Variants in AEBP2 observed in about 807,000 individuals in gnomAD.
The protein encoded by AEBP2 is AE binding protein 2.
A neutral mutation model predicts 50.8 loss-of-function variants in AEBP2; 10 were observed. The observed-to-expected ratio is 0.20, with a 90% CI of 0.12 to 0.33. The LOEUF is 0.33. AEBP2 is among the 10% of genes least tolerant of loss of function. The pLI, the probability that AEBP2 is intolerant of heterozygous loss-of-function variation, is 1.00. For missense variants in AEBP2, 570 were observed against 688.0 expected (o/e 0.83, Z 1.92); for synonymous variants, 296 against 261.3 (o/e 1.13, Z -1.28).
intron 1 of AEBP2, chr12:19,440,762 T>C (rs1302061691): frequency 2.6e-6 from 4 of 1,533,520 alleles, no homozygotes; most frequent in Middle Eastern, 2.2e-4. Flanking sequence ...GGAACACTTG[T>C]CAGAACTACA....
intron 7 of AEBP2, among the ~76,000 whole-genome samples, chr12:19,515,781 A>G (rs577493252): frequency 1.3e-5 from 2 of 152,288 alleles, no homozygotes; most frequent in East Asian, 3.9e-4. Flanking sequence ...TGCTATGTAG[A>G]AGCATAGTTT....
At chr12:19,500,304 T>C in intron 5 of AEBP2, 83 bp downstream of exon 5, 1 of 1,244,032 alleles carries the variant, frequency 8.0e-7, no homozygotes, top group Non-Finnish European at 1.1e-6. Flanking sequence ...TCTCTCAAAA[T>C]CTAAGAAAGT....
chr12:19,448,632 T>G (rs1278196370), intron 1 of AEBP2, among the ~76,000 whole-genome samples: 1 of 152,212 alleles, frequency 6.6e-6, no homozygotes, highest in Non-Finnish European at 1.5e-5. Flanking sequence ...TATTTCTTTC[T>G]CAGTTTCATT....
At chr12:19,516,387 C>T in intron 7 of AEBP2, among the ~76,000 whole-genome samples, 1 of 152,134 alleles carries the variant, frequency 6.6e-6, no homozygotes, top group Non-Finnish European at 1.5e-5. Flanking sequence ...TCGTAAACCT[C>T]TCTTAGAGAG....
Position 19,443,579 on chromosome 12 carries a change from C to T in AEBP2, c.671+3209C>T, listed in dbSNP as rs573431390. Among the ~76,000 whole-genome samples the T allele has an allele frequency of 2.1e-3, 323 of 151,924 alleles. 1 individual carries two copies. The highest frequency in any genetic ancestry group is 8.4e-3 in the South Asian group (40 of 4,790). Reference sequence around the variant, plus strand: ...CTACTAAAAATACAAAAAAATGAGCCAGGCATGGTGGTGCAGGCATGTAAT... The same window carrying T: ...CTACTAAAAATACAAAAAAATGAGCTAGGCATGGTGGTGCAGGCATGTAAT... On this transcript the variant is annotated intron_variant, in intron 1 of 7. Coordinates refer to ENST00000266508, the MANE Select transcript of AEBP2 (RefSeq NM_153207.5).
chr12:19,462,812 G>T (rs2153370297), intron 2 of AEBP2, 95 bp downstream of exon 2: 1 of 1,164,630 alleles, frequency 8.6e-7, no homozygotes. Context: ...AGTAATTTGG[G>T]ATTATTTTTA....
chr12:19,516,623 A>G lies in AEBP2; in HGVS notation c.1482-1464A>G, dbSNP rs73339375. Among the ~76,000 whole-genome samples, 784 of 152,276 alleles carry G rather than the reference A, an allele frequency of 5.1e-3. 6 individuals are homozygous for G. The highest frequency in any genetic ancestry group is 0.015 in the African/African-American group (609 of 41,570). ...ATAGGAACAATGTTGCATATACTCA[A>G]ATTTATGTGTGTGATTCCACAAGTC... On this transcript the variant is annotated intron_variant, in intron 7 of 7. Transcript: ENST00000266508.
chr12:19,498,966 G>C (rs1252277294), intron 4 of AEBP2, among the ~76,000 whole-genome samples: 1 of 152,112 alleles, frequency 6.6e-6, no homozygotes, highest in Non-Finnish European at 1.5e-5. Context: ...AGTGAGCCAT[G>C]ATCACGCCAC....
chr12:19,463,669 T>C (rs1177916642), intron 2 of AEBP2, among the ~76,000 whole-genome samples: 2 of 74,574 alleles, frequency 2.7e-5, no homozygotes, highest in Non-Finnish European at 4.9e-5. Context: ...ATACTTGAAT[T>C]TTTTTTTTTT....
intron 1 of AEBP2, among the ~76,000 whole-genome samples, chr12:19,405,333 AT>A (rs112700014): frequency 3.0e-4 from 42 of 139,604 alleles, no homozygotes; most frequent in Admixed American, 3.6e-4. Context: ...TTATTTACTT[AT>A]TTTTTTTTTT....
At chr12:19,419,787 G>A (rs868401792) in intron 1 of AEBP2, among the ~76,000 whole-genome samples, 27 of 150,456 alleles carry the variant, frequency 1.8e-4, no homozygotes, top group Middle Eastern at 3.5e-3. Flanking sequence ...AAAATTAGCC[G>A]GGCGTGGTGG....
intron 6 of AEBP2, among the ~76,000 whole-genome samples, chr12:19,513,610 A>G (rs1381489490): frequency 6.6e-6 from 1 of 152,116 alleles, no homozygotes. Flanking sequence ...AAACAAAAAA[A>G]GAAATTAGCT....
At chr12:19,416,648 G>C (rs1247941150) in intron 1 of AEBP2, among the ~76,000 whole-genome samples, 8 of 148,016 alleles carry the variant, frequency 5.4e-5, no homozygotes, top group African/African-American at 1.7e-4. Context: ...TCTTGAGACA[G>C]AGTCTCGTTC....
At chr12:19,447,689 ATAT>A (rs536256824) in intron 1 of AEBP2, among the ~76,000 whole-genome samples, 1,836 of 7,874 alleles carry the variant, frequency 0.23, 13 homozygotes, top group Non-Finnish European at 0.28. Context: ...AGAGTCATTT[ATAT>A]ATCCCCATTT....
In AEBP2 at chr12:19,466,709, TA is replaced by T. The variant is rs892982491; in HGVS notation, c.879+3993del. 1.4e-5 allele frequency: 11 copies of T among 796,008 alleles called. No homozygotes were observed. In the African/African-American group the frequency reaches 1.9e-4, roughly 14 times the overall value. The allele number at this position is 796,008 out of a possible 1,614,324, so 49.3% of individuals were successfully genotyped here. On this transcript the variant is annotated intron_variant, in intron 2 of 7. Transcript: ENST00000266508. ...AAACACCTGATTTTGTTGGCCTAAT[TA>T]TTTTTTTAGATTTCTTATTTCTTCT...
intron 1 of AEBP2, among the ~76,000 whole-genome samples, chr12:19,405,565 C>T (rs2095735748): frequency 6.6e-6 from 1 of 152,030 alleles, no homozygotes; most frequent in African/African-American, 2.4e-5. Flanking sequence ...ACCTCGTGAT[C>T]CGCCCACCTC....
intron 6 of AEBP2, 30 bp downstream of exon 6, chr12:19,512,495 A>G (rs1565738635): frequency 4.5e-6 from 6 of 1,348,284 alleles, no homozygotes; most frequent in South Asian, 1.4e-5. Context: ...TGCCTTAGTA[A>G]TAAGTTCATG....
chr12:19,472,729 C>T (rs924421864), intron 2 of AEBP2, among the ~76,000 whole-genome samples: 8 of 151,938 alleles, frequency 5.3e-5, no homozygotes, highest in African/African-American at 1.5e-4. Context: ...CAGGATATCA[C>T]CAGTAAAAGA....
chr12:19,455,924 A>G (rs956827983), intron 1 of AEBP2, among the ~76,000 whole-genome samples: 1 of 151,626 alleles, frequency 6.6e-6, no homozygotes. Flanking sequence ...CAGTTGGGTA[A>G]CAATACTAGT....
Sources: allele counts gnomAD v4.1 joint callset (sites outside exome capture counted in the v4.1 genomes callset), GRCh38; gene constraint gnomAD v4.1.1; transcripts MANE v1.5; gene names NCBI Gene and HGNC (gene_info 2026-07-23, HGNC 2026-07-21).